IPPK: variants seen among roughly 807,000 people sequenced by gnomAD.
IPPK encodes the protein IPK1 homolog.
A neutral mutation model predicts 64.6 loss-of-function variants in IPPK; 22 were observed. The observed-to-expected ratio is 0.34, with a 90% CI of 0.24 to 0.49. The LOEUF (loss-of-function observed/expected upper bound fraction) is 0.49, where lower values mean the gene tolerates loss of function less well. Ranked by LOEUF, IPPK falls within the 20% of genes least tolerant of loss-of-function variation. IPPK has a pLI of 0.99. For missense variants in IPPK, 532 were observed against 630.7 expected, an observed-to-expected ratio of 0.84 and a Z score of 1.68; for synonymous variants, 262 against 247.2, an observed-to-expected ratio of 1.06 and a Z score of -0.56.
In IPPK at chr9:92,613,185, C is replaced by T. The variant is rs372370836; in HGVS notation, c.*2647G>A. Reference sequence around the variant, plus strand: ...GTGAACGTGGAGGATGAAGATGCTGCGTGGAGGAACATGCAATTTTATTCA... The same window carrying T: ...GTGAACGTGGAGGATGAAGATGCTGTGTGGAGGAACATGCAATTTTATTCA... On this transcript the variant is annotated 3_prime_UTR_variant, in exon 13 of 13. Coordinates refer to ENST00000287996, the MANE Select transcript of IPPK (RefSeq NM_022755.6). 13 of 1,612,482 alleles carry T rather than the reference C, an allele frequency of 8.1e-6. No homozygotes were observed. The highest frequency in any genetic ancestry group is 3.3e-5 in the Admixed American group (2 of 59,940).
intron 11 of IPPK, among the ~76,000 whole-genome samples, chr9:92,625,275 T>G (rs888005078): frequency 2.6e-5 from 4 of 152,224 alleles, no homozygotes; most frequent in Admixed American, 1.3e-4. Flanking sequence ...ATGGGGAAAC[T>G]GTCTTCAACT....
intron 7 of IPPK, among the ~76,000 whole-genome samples, chr9:92,641,780 A>C (rs530026831): frequency 6.6e-6 from 1 of 152,230 alleles, no homozygotes; most frequent in Non-Finnish European, 1.5e-5. Flanking sequence ...GAGCACTGAC[A>C]AAGGCAGGGG....
intron 3 of IPPK, 121 bp downstream of exon 3, chr9:92,656,335 C>T: frequency 5.8e-6 from 4 of 687,328 alleles, no homozygotes; most frequent in South Asian, 4.8e-5. Context: ...AAATGAGAAA[C>T]ACTTGGAGAC....
intron 9 of IPPK, among the ~76,000 whole-genome samples, chr9:92,636,992 A>G (rs1248022235): frequency 6.6e-6 from 1 of 152,090 alleles, no homozygotes; most frequent in Non-Finnish European, 1.5e-5. Flanking sequence ...ATCAGGAATC[A>G]CTTTCATAAC....
At chr9:92,652,319 G>A (rs962718928) in intron 4 of IPPK, among the ~76,000 whole-genome samples, 6 of 151,950 alleles carry the variant, frequency 3.9e-5, no homozygotes, top group Non-Finnish European at 5.9e-5. Context: ...CATGGTGGTA[G>A]GCGCCTGTAG....
intron 4 of IPPK, among the ~76,000 whole-genome samples, chr9:92,650,800 C>T (rs1451963922): frequency 6.6e-6 from 1 of 152,118 alleles, no homozygotes; most frequent in African/African-American, 2.4e-5. Context: ...CAGGCTCTAC[C>T]TTCTCTCACA....
At chr9:92,667,366 A>G (rs977604207) in intron 1 of IPPK, among the ~76,000 whole-genome samples, 3 of 152,106 alleles carry the variant, frequency 2.0e-5, no homozygotes, top group Non-Finnish European at 2.9e-5. Context: ...CTCGAACTCA[A>G]CAGGTCCTAA....
rs775749892 is a variant in IPPK, at chr9:92,638,058, G to A, written c.859C>T (p.Pro287Ser). The A allele has an allele frequency of 3.1e-6, 5 of 1,605,984 alleles. No homozygotes were observed. The highest frequency in any genetic ancestry group is 4.2e-6 in the Non-Finnish European group (5 of 1,176,980). Residue 287 changes from proline to serine, a missense_variant, in exon 9 of 13, where the codon CCT becomes TCT. Pro to Ser is a moderately conservative substitution (Grantham distance 74, BLOSUM62 -1). Transcript: ENST00000287996. Reference protein sequence around the residue: ...RAGTLSPGLGPQGPRVCEASP... With the variant: ...RAGTLSPGLGSQGPRVCEASP... ...GCTTCGCAGACTCGCGGGCCCTGAG[G>A]CCCGAGCCCCGGACTCAGGGTGCCT...
At chr9:92,624,814 CTAAAGTAAATAGAAATGTGGCAA>C (rs1288089835) in intron 11 of IPPK, among the ~76,000 whole-genome samples, 3 of 151,836 alleles carry the variant, frequency 2.0e-5, no homozygotes, top group Non-Finnish European at 2.9e-5. Flanking sequence ...ATGGATCACT[CTAAAGTAAATAGAAATGTGGCAA>C]TAAAGTAAAT....
chr9:92,615,884 G>A lies in IPPK; in HGVS notation c.1424C>T (p.Ser475Leu), dbSNP rs145881935. The A allele has an allele frequency of 3.2e-5, 51 of 1,614,016 alleles. No individual in the cohort carries two copies. The highest frequency in any genetic ancestry group is 5.0e-5 in the Admixed American group (3 of 59,994). ...TVRAKDNAVMSTRFKESEDCT... is the reference protein window; with the variant it reads ...TVRAKDNAVMLTRFKESEDCT... Reference sequence around the variant, plus strand: ...ATCTTCGCTTTCCTTGAACCGAGTCGACATCACGGCGTTGTCTTTGGCACG... The same window carrying A: ...ATCTTCGCTTTCCTTGAACCGAGTCAACATCACGGCGTTGTCTTTGGCACG... Residue 475 changes from serine (S) to leucine (L), a missense_variant, in exon 13 of 13, where the codon TCG becomes TTG. Transcript: ENST00000287996.
At chr9:92,664,833 A>T (rs1852561453) in intron 1 of IPPK, among the ~76,000 whole-genome samples, 1 of 152,222 alleles carries the variant, frequency 6.6e-6, no homozygotes, top group Admixed American at 6.5e-5. Context: ...CTCAGAAGAC[A>T]CAGGAAGTCA....
intron 11 of IPPK, among the ~76,000 whole-genome samples, chr9:92,628,135 C>T (rs1851768019): frequency 6.6e-6 from 1 of 152,090 alleles, no homozygotes; most frequent in Non-Finnish European, 1.5e-5. Flanking sequence ...ATAAGTTTAA[C>T]AAAGAAGCAT....
At chr9:92,642,849 G>C in intron 6 of IPPK, 39 bp from the exon 7 acceptor site, 1 of 1,480,904 alleles carries the variant, frequency 6.8e-7, no homozygotes, top group Non-Finnish European at 9.4e-7. Context: ...GGTGACTGGC[G>C]CTGGTGACTG....
At position 92,638,263 on chromosome 9, in the gene IPPK, G is replaced by A. The variant is rs112568074; in HGVS notation, c.654C>T (p.Tyr218=). The change falls in exon 9 of 13, where the codon TAC becomes TAT. Residue 218 remains tyrosine, a synonymous_variant. Coordinates refer to ENST00000287996, the MANE Select transcript of IPPK (RefSeq NM_022755.6). ...LKIFKNGELI[Y]GCKDARSPVA... ...CGGGGCTCCGGGCATCTTTGCAGCC[G>A]TAAATCAGCTCACCATTCTTCAGAC... The A allele has an allele frequency of 1.1e-5, 18 of 1,613,402 alleles. No individual in the cohort carries two copies. Among genetic ancestry groups the A allele is most frequent in the Middle Eastern group, 1.7e-4 (1 of 6,056 alleles).
At chr9:92,645,863 G>A (rs1447802519) in intron 6 of IPPK, among the ~76,000 whole-genome samples, 2 of 151,894 alleles carry the variant, frequency 1.3e-5, no homozygotes, top group Non-Finnish European at 2.9e-5. Flanking sequence ...AATTACTAAA[G>A]GGAGTCCTTT....
rs1184989925 is a variant in IPPK at position 92,638,099 on chromosome 9, G to A, written c.818C>T (p.Ser273Leu). ...HVITRVLLSG[S>L]DKGRAGTLSP... is the part of the protein sequence containing the mutation. ...CAGGGTGCCTGCCCGGCCCTTGTCC[G>A]AGCCACTCAGCAGCACCCGTGTGAT... Residue 273 changes from serine to leucine, a missense_variant, in exon 9 of 13, where the codon TCG becomes TTG. Physicochemically the swap from Ser to Leu is moderately radical, Grantham distance 145. Coordinates refer to ENST00000287996, the MANE Select transcript of IPPK (RefSeq NM_022755.6). 1.4e-5 allele frequency: 23 copies of A among 1,613,722 alleles called. No homozygotes were observed. The highest frequency in any genetic ancestry group is 3.3e-5 in the South Asian group (3 of 91,074).
chr9:92,651,900 A>T (rs1304520224), intron 4 of IPPK, among the ~76,000 whole-genome samples: 1 of 151,612 alleles, frequency 6.6e-6, no homozygotes, highest in Non-Finnish European at 1.5e-5. Flanking sequence ...ACATATATAT[A>T]TTTTGTTTGT....
At chr9:92,617,971 C>A (rs1233874223) in intron 12 of IPPK, 4 of 333,076 alleles carry the variant, frequency 1.2e-5, no homozygotes, top group Non-Finnish European at 2.4e-5. Flanking sequence ...TATCTGTGAG[C>A]TGCAAATTAG....
chr9:92,630,228 A>C (rs551421974), intron 11 of IPPK, among the ~76,000 whole-genome samples: 2 of 152,370 alleles, frequency 1.3e-5, no homozygotes, highest in East Asian at 3.9e-4. Flanking sequence ...GATGCATGCT[A>C]CAACATGGAT....
Sources: gnomAD v4.1 joint callset for allele counts (sites outside exome capture counted in the v4.1 genomes callset) on GRCh38, gnomAD v4.1.1 for gene constraint, MANE v1.5 for transcripts, NCBI Gene and HGNC (gene_info 2026-07-23, HGNC 2026-07-21) for gene names.